The following ZNF431 variants were observed in gnomAD, a reference collection of about 807,000 sequenced individuals.
The protein encoded by ZNF431 is zinc finger protein 431.
ZNF431 carries 34 observed loss-of-function variants against 57.0 expected under a neutral mutation model. The ratio of observed to expected loss-of-function variants is 0.60; its 90% CI spans 0.45 to 0.79. The LOEUF (loss-of-function observed/expected upper bound fraction) is 0.79. Ranked by LOEUF, ZNF431 falls within the 30% of genes least tolerant of loss-of-function variation. ZNF431 has a pLI of 0.00. For synonymous variants in ZNF431, 207 were observed against 220.3 expected (o/e 0.94, Z 0.54); for missense variants, 607 against 667.1 (o/e 0.91, Z 0.99).
In ZNF431 at chr19:21,183,722, A is replaced by C. The variant is rs141575176; in HGVS notation, c.1419A>C (p.Thr473=). 7 of 1,613,856 alleles carry C rather than the reference A, an allele frequency of 4.3e-6. No individual in the cohort carries two copies. The East Asian group carries it at 1.6e-4, about 36-fold the overall frequency. ...TTAGCCAGTCATCAATCCTTACTACACATAAGAGAATTCACACTGGAGAGA... is the reference window on the plus strand; with the variant it reads ...TTAGCCAGTCATCAATCCTTACTACCCATAAGAGAATTCACACTGGAGAGA... The part of the protein sequence containing the change: ...KAFSQSSILT[T]HKRIHTGEKP... The change falls in exon 5 of 5, where the codon ACA becomes ACC. Residue 473 remains threonine, a synonymous_variant. Transcript: ENST00000311048.
intron 4 of ZNF431, among the ~76,000 whole-genome samples, chr19:21,171,199 G>A (rs962275976): frequency 4.0e-5 from 6 of 151,896 alleles, no homozygotes; most frequent in African/African-American, 9.7e-5. Context: ...TAATTATACT[G>A]CATATTCTGT....
At position 21,190,616 on chromosome 19, in the gene ZNF431, A is replaced by G. The variant is rs2145077543; in HGVS notation, c.*6582A>G. The G allele has an allele frequency of 6.6e-6, 1 of 150,616 alleles. No individual in the cohort carries two copies. Among genetic ancestry groups the G allele is most frequent in the East Asian group, 1.9e-4 (1 of 5,140 alleles). 9.3% of individuals were successfully genotyped at this position (150,616 alleles called of 1,614,324 possible). ...GCATTTAAAAATATATCCGTTGGACATATGTATGACTTTTCTTGAAAAATA... is the reference window on the plus strand; with the variant it reads ...GCATTTAAAAATATATCCGTTGGACGTATGTATGACTTTTCTTGAAAAATA... On this transcript the variant is annotated 3_prime_UTR_variant, in exon 5 of 5. Transcript: ENST00000311048.
At chr19:21,179,905 CTGAT>C (rs2145041981) in intron 4 of ZNF431, among the ~76,000 whole-genome samples, 1 of 152,058 alleles carries the variant, frequency 6.6e-6, no homozygotes, top group East Asian at 1.9e-4. Context: ...TTTTTGATTT[CTGAT>C]TTAGTTGTAT....
At chr19:21,143,257 T>C (rs1969989168) in intron 1 of ZNF431, among the ~76,000 whole-genome samples, 1 of 152,188 alleles carries the variant, frequency 6.6e-6, no homozygotes, top group African/African-American at 2.4e-5. Context: ...AAAAAATATC[T>C]GTAAATATTT....
At chr19:21,166,941 C>T (rs1338890170) in intron 3 of ZNF431, among the ~76,000 whole-genome samples, 1 of 152,150 alleles carries the variant, frequency 6.6e-6, no homozygotes, top group Non-Finnish European at 1.5e-5. Flanking sequence ...TGGCTCACTG[C>T]AACCTCCACC....
chr19:21,147,182 A>G (rs2072314467), intron 2 of ZNF431, among the ~76,000 whole-genome samples: 1 of 152,128 alleles, frequency 6.6e-6, no homozygotes, highest in African/African-American at 2.4e-5. Flanking sequence ...AGTTATCACA[A>G]ACTTGCATTT....
intron 2 of ZNF431, among the ~76,000 whole-genome samples, chr19:21,154,265 C>T (rs1021454912): frequency 6.6e-5 from 10 of 152,026 alleles, no homozygotes; most frequent in Non-Finnish European, 1.2e-4. Flanking sequence ...TGAGAACATG[C>T]GGTGTTTGGT....
chr19:21,148,746 T>G (rs1409571095), intron 2 of ZNF431, among the ~76,000 whole-genome samples: 1 of 152,186 alleles, frequency 6.6e-6, no homozygotes, highest in Non-Finnish European at 1.5e-5. Flanking sequence ...AACTTTTACT[T>G]TTGATGAAAA....
rs577737190 is a variant in ZNF431 at position 21,170,476 on chromosome 19, T to C, written c.319+2810T>C. Among the ~76,000 whole-genome samples the C allele has an allele frequency of 5.9e-5, 9 of 152,334 alleles. No homozygotes were observed. In the South Asian group the frequency reaches 1.9e-3, roughly 32 times the overall value. On this transcript the variant is annotated intron_variant, in intron 4 of 4. Coordinates refer to ENST00000311048, the MANE Select transcript of ZNF431 (RefSeq NM_133473.4). The stretch of plus-strand genomic sequence containing the variant: ...TTAGATTCAGACATTTAGGACAATA[T>C]GCTAGAATTTACATGTTATGCCTGA...
chr19:21,182,667 A>G lies in ZNF431; in HGVS notation c.364A>G (p.Ile122Val), dbSNP rs1420024482. 5 of 1,612,524 alleles carry G rather than the reference A, an allele frequency of 3.1e-6. No homozygotes were observed. Among genetic ancestry groups the G allele is most frequent in the African/African-American group, 1.3e-5 (1 of 74,862 alleles). The part of the protein sequence containing the change: ...FTKDLWPEQD[I>V]KDSFQQVILR... ...CAAAGACCTTTGGCCAGAGCAAGAC[A>G]TAAAAGATTCTTTTCAACAAGTAAT... The change falls in exon 5 of 5, where the codon ATA becomes GTA. Residue 122 changes from isoleucine (I) to valine (V), a missense_variant. Transcript: ENST00000311048.
Position 21,143,580 on chromosome 19 carries a change from C to A in ZNF431, c.33C>A (p.Leu11=), listed in dbSNP as rs1329610825. The stretch of plus-strand genomic sequence containing the variant: ...ACTTGAAATATGGAGTGTATCCTCT[C>A]AAGGAAGCAAGTGGATGCCCTGGGG... MDDLKYGVYP[L]KEASGCPGAE... is the part of the protein sequence containing the mutation. The change falls in exon 2 of 5, where the codon CTC becomes CTA. Residue 11 remains leucine (L), a synonymous_variant. Transcript: ENST00000311048. The A allele has an allele frequency of 6.2e-7, 1 of 1,613,772 alleles. No individual in the cohort carries two copies. Among genetic ancestry groups the A allele is most frequent in the Admixed American group, 1.7e-5 (1 of 59,986 alleles).
intron 2 of ZNF431, among the ~76,000 whole-genome samples, chr19:21,144,247 G>C (rs1403585303): frequency 6.6e-6 from 1 of 151,380 alleles, no homozygotes; most frequent in Non-Finnish European, 1.5e-5. Flanking sequence ...TTGCTGCCCA[G>C]GCTGCAGAAG....
intron 4 of ZNF431, among the ~76,000 whole-genome samples, chr19:21,179,475 TC>T (rs1386202186): frequency 6.6e-6 from 1 of 152,182 alleles, no homozygotes; most frequent in Non-Finnish European, 1.5e-5. Context: ...TTAAGATCTT[TC>T]TAGCTTTTTG....
intron 4 of ZNF431, among the ~76,000 whole-genome samples, chr19:21,181,245 G>T (rs1463232156): frequency 1.3e-5 from 2 of 152,000 alleles, no homozygotes; most frequent in African/African-American, 4.8e-5. Flanking sequence ...TAGCAGCAAC[G>T]GTTTTCAGCA....
chr19:21,150,748 A>C (rs776472974), intron 2 of ZNF431, among the ~76,000 whole-genome samples: 1 of 152,162 alleles, frequency 6.6e-6, no homozygotes, highest in Non-Finnish European at 1.5e-5. Flanking sequence ...ATTTCCCCAT[A>C]ATTGCCATTA....
In ZNF431 at chr19:21,183,969, A is replaced by G. The variant is rs757294819; in HGVS notation, c.1666A>G (p.Ile556Val). Residue 556 changes from isoleucine to valine, a missense_variant, in exon 5 of 5, where the codon ATT becomes GTT. Ile to Val is a conservative substitution (Grantham distance 29). Transcript: ENST00000311048. ...TACATTTAACCAGTCCTCAAACCTT[A>G]TTAAACAAAATAATTCATACTGGAG... is the stretch of plus-strand genomic sequence containing the variant. The part of the protein sequence containing the change: ...DNTFNQSSNL[I>V]KQNNSYWRET... 1.3e-6 allele frequency: 2 copies of G among 1,594,182 alleles called. No individual in the cohort carries two copies. Among genetic ancestry groups the G allele is most frequent in the Admixed American group, 1.8e-5 (1 of 55,238 alleles).
chr19:21,170,637 C>A (rs1970858369), intron 4 of ZNF431, among the ~76,000 whole-genome samples: 2 of 151,234 alleles, frequency 1.3e-5, no homozygotes, highest in Non-Finnish European at 2.9e-5. Flanking sequence ...AACATAATTT[C>A]TTTCTTTTCT....
chr19:21,179,743 A>G (rs572235425), intron 4 of ZNF431, among the ~76,000 whole-genome samples: 2 of 152,080 alleles, frequency 1.3e-5, no homozygotes, highest in East Asian at 3.9e-4. Context: ...TATTTTTAGT[A>G]GAGACGGGGT....
At chr19:21,150,004 C>T (rs12608652) in intron 2 of ZNF431, 357,789 of 583,036 alleles carry the variant, frequency 0.61, 111,608 homozygotes, top group East Asian at 0.78. Context: ...TCTTTTTCTC[C>T]ACCAAGGTGG....
Sources: allele counts gnomAD v4.1 joint callset (sites outside exome capture counted in the v4.1 genomes callset), GRCh38; gene constraint gnomAD v4.1.1; transcripts MANE v1.5; gene names NCBI Gene and HGNC (gene_info 2026-07-23, HGNC 2026-07-21).